RRM1: variants seen among roughly 807,000 people sequenced by gnomAD.
RRM1 encodes ribonucleotide reductase catalytic subunit M1, also known as ribonucleoside-diphosphate reductase large subunit.
Under a neutral mutation model 101.5 loss-of-function variants are expected in RRM1, and 19 were observed. The observed-to-expected ratio is 0.19, with a 90% CI of 0.13 to 0.27. The LOEUF is 0.27. Among genes scored for constraint, RRM1 ranks in the 10% least tolerant of loss-of-function variants. RRM1 has a pLI of 1.00. For missense variants in RRM1, 500 were observed against 962.9 expected (o/e 0.52, Z 6.36); for synonymous variants, 298 against 323.4 (o/e 0.92, Z 0.84).
chr11:4,109,391 A>G lies in RRM1; in HGVS notation c.388-253A>G, dbSNP rs11030981. Among the ~76,000 whole-genome samples the G allele has an allele frequency of 2.0e-3, 302 of 152,190 alleles. 8 individuals are homozygous for G. The East Asian group carries it at 0.05, about 25-fold the overall frequency. On this transcript the variant is annotated intron_variant, in intron 4 of 18. Transcript: ENST00000300738. ...GGAAAATCACATTTAATCTCACAAC[A>G]TATATTTATGTATTATCTTCTAGTG...
In RRM1 at chr11:4,111,974, G is replaced by C; in HGVS notation, c.562G>C (p.Glu188Gln). 6.2e-7 allele frequency: 1 copy of C among 1,614,066 alleles called. No homozygotes were observed. Among genetic ancestry groups the C allele is most frequent in the East Asian group, 2.2e-5 (1 of 44,878 alleles). The change falls in exon 7 of 19, where the codon GAA (glutamate) becomes CAA (glutamine). Residue 188 changes from glutamate (E) to glutamine (Q), a missense_variant. Around this residue, in one of 9 missense-constraint regions of RRM1, gnomAD observed 111 missense variants for 219.8 expected, o/e 0.51. Transcript: ENST00000300738. The part of the protein sequence containing the change: ...IHKEDIDAAI[E>Q]TYNLLSERWF... ...CAAAGAAGACATTGATGCAGCAATT[G>C]AAACATATAATCTTCTTTCTGAGAG... is the stretch of plus-strand genomic sequence containing the variant.
chr11:4,118,594 G>T, intron 8 of RRM1, 133 bp downstream of exon 8: 1 of 778,956 alleles, frequency 1.3e-6, no homozygotes, highest in Non-Finnish European at 2.0e-6. Context: ...ATGTGACTTG[G>T]AGTGAGTCAT....
chr11:4,118,739 A>G (rs1414675693), intron 8 of RRM1, among the ~76,000 whole-genome samples: 1 of 152,140 alleles, frequency 6.6e-6, no homozygotes, highest in African/African-American at 2.4e-5. Context: ...TCATTGATTG[A>G]TTGCTTACTG....
chr11:4,096,889 A>G lies in RRM1; in HGVS notation c.19+1858A>G, dbSNP rs145613935. 7.0e-4 allele frequency among the ~76,000 whole-genome samples: 107 copies of G among 152,198 alleles called. 3 individuals carry two copies. The East Asian group carries it at 0.017, about 24-fold the overall frequency. ...AGTCAGTAACAAAGATGAATTGAAA[A>G]TGTATGGACTTAGATGACCAGAATG... is the stretch of plus-strand genomic sequence containing the variant. On this transcript the variant is annotated intron_variant, in intron 1 of 18. Transcript: ENST00000300738.
intron 1 of RRM1, among the ~76,000 whole-genome samples, chr11:4,097,827 T>C (rs1207089922): frequency 6.6e-6 from 1 of 152,224 alleles, no homozygotes; most frequent in Non-Finnish European, 1.5e-5. Flanking sequence ...TATGCTAATG[T>C]CTTGCTAAAC....
At chr11:4,104,851 C>G (rs1013227028) in intron 2 of RRM1, among the ~76,000 whole-genome samples, 19 of 152,138 alleles carry the variant, frequency 1.2e-4, no homozygotes, top group Non-Finnish European at 1.8e-4. Context: ...CTTCTGTCTC[C>G]TTTAATTGGC....
chr11:4,108,083 T>G (rs528674455), intron 4 of RRM1, among the ~76,000 whole-genome samples: 2 of 152,222 alleles, frequency 1.3e-5, no homozygotes, highest in Non-Finnish European at 2.9e-5. Context: ...TTCAAAATTT[T>G]GATAGGCATT....
intron 2 of RRM1, among the ~76,000 whole-genome samples, chr11:4,103,781 A>ATTTTT (rs36062278): frequency 8.7e-6 from 1 of 115,256 alleles, no homozygotes; most frequent in African/African-American, 3.4e-5. Context: ...CCACCACGCT[A>ATTTTT]TTTTTTTTTT....
intron 15 of RRM1, among the ~76,000 whole-genome samples, chr11:4,130,086 A>ATATATATATATATTTTT (rs1202870487): frequency 1.0e-5 from 1 of 99,482 alleles, no homozygotes; most frequent in African/African-American, 5.4e-5. Flanking sequence ...ATATATATAT[A>ATATATATATATATTTTT]TTTTTTTTTT....
chr11:4,106,080 A>G lies in RRM1; in HGVS notation c.143A>G (p.Tyr48Cys). ...ACCATGAAAGTAATCCAAGGCTTGT[A>G]CAGTGGGGTCACCACAGTGGAACTA... is the stretch of plus-strand genomic sequence containing the variant. ...QITMKVIQGL[Y>C]SGVTTVELDT... The change falls in exon 3 of 19, where the codon TAC becomes TGC. Residue 48 changes from tyrosine (Y) to cysteine (C), a missense_variant. This residue lies in a region of RRM1 where 44 missense variants were observed against 119.4 expected (regional missense o/e 0.37). Coordinates refer to ENST00000300738, the MANE Select transcript of RRM1 (RefSeq NM_001033.5). The G allele has an allele frequency of 6.2e-7, 1 of 1,613,940 alleles. No individual in the cohort carries two copies. The highest frequency in any genetic ancestry group is 8.5e-7 in the Non-Finnish European group (1 of 1,179,948).
intron 5 of RRM1, among the ~76,000 whole-genome samples, chr11:4,110,689 T>C (rs560181412): frequency 6.7e-6 from 1 of 149,022 alleles, no homozygotes; most frequent in East Asian, 2.0e-4. Context: ...GAACTGCTTA[T>C]ACTCAGGAGA....
intron 7 of RRM1, 50 bp from the exon 8 acceptor site, chr11:4,118,270 G>C: frequency 2.1e-6 from 3 of 1,429,490 alleles, no homozygotes; most frequent in Non-Finnish European, 2.8e-6. Context: ...TCATTTTTGT[G>C]ACTCTGCTTC....
At position 4,109,645 on chromosome 11, in the gene RRM1, G is replaced by A; in HGVS notation, c.389G>A (p.Arg130His). The A allele has an allele frequency of 5.6e-6, 9 of 1,604,866 alleles. No homozygotes were observed. The highest frequency in any genetic ancestry group is 7.7e-6 in the Non-Finnish European group (9 of 1,175,662). ...TGGGTTCTTTTTCACCCCTATCAGC[G>A]CCTGAATTCTGCTATTATCTATGAC... ...TLDIVLANKD[R>H]LNSAIIYDRD... Residue 130 changes from arginine to histidine, a missense_variant and splice_region_variant, in exon 5 of 19, where the codon CGC becomes CAC. Arg to His is a conservative substitution (Grantham distance 29). Transcript: ENST00000300738.
chr11:4,106,963 G>C (rs1435483712), intron 3 of RRM1, among the ~76,000 whole-genome samples: 1 of 150,710 alleles, frequency 6.6e-6, no homozygotes, highest in Non-Finnish European at 1.5e-5. Context: ...GTGTGATTTC[G>C]GCTCACTGCA....
intron 17 of RRM1, 101 bp downstream of exon 17, chr11:4,133,759 CA>C (rs2094604378): frequency 1.5e-6 from 1 of 664,620 alleles, no homozygotes; most frequent in Admixed American, 2.8e-5. Flanking sequence ...TCATTGTGTT[CA>C]TCTAGGTTTT....
chr11:4,129,633 G>A (rs1325975329), intron 15 of RRM1, among the ~76,000 whole-genome samples: 1 of 151,926 alleles, frequency 6.6e-6, no homozygotes, highest in Non-Finnish European at 1.5e-5. Context: ...TTTAAATTGA[G>A]TTTTTGTAGG....
At chr11:4,097,278 CAAAAAA>C (rs1221330899) in intron 1 of RRM1, among the ~76,000 whole-genome samples, 1 of 68,858 alleles carries the variant, frequency 1.5e-5, no homozygotes, top group East Asian at 4.3e-4. Context: ...CACTCTGTCT[CAAAAAA>C]AAAAAAAAAA....
rs77798984 is a variant in RRM1, at chr11:4,135,258, C to T, written c.2178C>T (p.Tyr726=). ...GCAAACTCACTAGTATGCACTTCTACGGCTGGAAGCAGGTTGGTAGAGAAT... is the reference window on the plus strand; with the variant it reads ...GCAAACTCACTAGTATGCACTTCTATGGCTGGAAGCAGGTTGGTAGAGAAT... ...NYGKLTSMHF[Y]GWKQGLKTGM... The change falls in exon 18 of 19, where the codon TAC becomes TAT. Residue 726 remains tyrosine (Y), a synonymous_variant. Coordinates refer to ENST00000300738, the MANE Select transcript of RRM1 (RefSeq NM_001033.5). 3.1e-5 allele frequency: 49 copies of T among 1,603,862 alleles called. 2 individuals are homozygous for T. In the East Asian group the frequency reaches 4.5e-4, roughly 15 times the overall value.
intron 4 of RRM1, 68 bp downstream of exon 4, chr11:4,107,603 A>T: frequency 2.1e-6 from 2 of 958,918 alleles, no homozygotes; most frequent in Admixed American, 3.7e-5. Flanking sequence ...CATTTTAGAA[A>T]ATTTAAACAC....
Sources: allele counts gnomAD v4.1 joint callset (sites outside exome capture counted in the v4.1 genomes callset), GRCh38; gene constraint gnomAD v4.1.1; regional missense constraint gnomAD v4.1.1; transcripts MANE v1.5; gene names NCBI Gene and HGNC (gene_info 2026-07-23, HGNC 2026-07-21).